BBS9: variants seen among roughly 807,000 people sequenced by gnomAD.
BBS9 encodes the protein protein PTHB1.
BBS9 carries 89 observed loss-of-function variants against 117.7 expected under a neutral mutation model. The observed-to-expected ratio is 0.76, with a 90% CI of 0.64 to 0.90. The LOEUF is 0.90. BBS9 is among the 40% of genes least tolerant of loss of function. The pLI is 0.00. For synonymous variants in BBS9, 379 were observed against 370.9 expected (o/e 1.02, Z -0.25); for missense variants, 982 against 1,042.2 (o/e 0.94, Z 0.80).
At chr7:33,368,705 T>A (rs961154805) in intron 17 of BBS9, among the ~76,000 whole-genome samples, 1 of 151,960 alleles carries the variant, frequency 6.6e-6, no homozygotes, top group Non-Finnish European at 1.5e-5. Context: ...TTTCTACCCA[T>A]GCATTTGCAG....
intron 5 of BBS9, among the ~76,000 whole-genome samples, chr7:33,208,191 C>T (rs922150042): frequency 7.2e-5 from 11 of 152,140 alleles, no homozygotes; most frequent in Middle Eastern, 3.4e-3. Flanking sequence ...TTTGCCATCC[C>T]CTATTCAGTA....
chr7:33,151,832 T>G (rs1418962118), intron 2 of BBS9, among the ~76,000 whole-genome samples: 6 of 148,194 alleles, frequency 4.0e-5, no homozygotes, highest in Non-Finnish European at 5.9e-5. Flanking sequence ...ATTACAGGCA[T>G]GAGCCACTGC....
Position 33,588,903 on chromosome 7 carries a change from G to C in BBS9, c.2522-15962G>C, listed in dbSNP as rs1456357628. 2.0e-5 allele frequency among the ~76,000 whole-genome samples: 3 copies of C among 152,144 alleles called. 1 individual carries two copies. The highest frequency in any genetic ancestry group is 1.5e-5 in the Non-Finnish European group (1 of 68,014). Reference sequence around the variant, plus strand: ...GACAGTGAGGTGGTGTGGTAGGAGAGGAGGCTGGAGGGACCAGATCATGTG... The same window carrying C: ...GACAGTGAGGTGGTGTGGTAGGAGACGAGGCTGGAGGGACCAGATCATGTG... On this transcript the variant is annotated intron_variant, in intron 21 of 22. Coordinates refer to ENST00000242067, the MANE Select transcript of BBS9 (RefSeq NM_198428.3).
chr7:33,617,892 G>A (rs768639783), intron 21 of BBS9, among the ~76,000 whole-genome samples: 2 of 152,106 alleles, frequency 1.3e-5, no homozygotes, highest in African/African-American at 2.4e-5. Context: ...TAAGAATTGT[G>A]GGACATAATC....
chr7:33,429,649 GA>G (rs1834146835), intron 19 of BBS9, among the ~76,000 whole-genome samples: 2 of 151,944 alleles, frequency 1.3e-5, no homozygotes. Flanking sequence ...TTACTTTTCA[GA>G]ATTGAAAAAA....
intron 5 of BBS9, among the ~76,000 whole-genome samples, chr7:33,199,295 A>T (rs956754434): frequency 6.6e-6 from 1 of 151,942 alleles, no homozygotes; most frequent in Middle Eastern, 3.2e-3. Context: ...TTGACAAATG[A>T]TGTAGGTTAG....
At chr7:33,269,887 G>A (rs560144035) in intron 7 of BBS9, among the ~76,000 whole-genome samples, 1 of 152,216 alleles carries the variant, frequency 6.6e-6, no homozygotes, top group East Asian at 1.9e-4. Flanking sequence ...GCTGGGTGTG[G>A]TGGCGTGTGC....
At chr7:33,166,422 A>G (rs1407248393) in intron 4 of BBS9, among the ~76,000 whole-genome samples, 1 of 152,216 alleles carries the variant, frequency 6.6e-6, no homozygotes, top group East Asian at 1.9e-4. Flanking sequence ...AAGTCTGCAG[A>G]AGTTTCTGCT....
At chr7:33,512,246 G>T (rs2129027649) in intron 20 of BBS9, among the ~76,000 whole-genome samples, 1 of 152,236 alleles carries the variant, frequency 6.6e-6, no homozygotes, top group African/African-American at 2.4e-5. Context: ...TTGCTGTTTT[G>T]AAAAATTGAA....
intron 21 of BBS9, among the ~76,000 whole-genome samples, chr7:33,611,817 A>C (rs1864891772): frequency 7.1e-6 from 1 of 141,164 alleles, no homozygotes; most frequent in Non-Finnish European, 1.5e-5. Flanking sequence ...CTTAAACCTT[A>C]TATATAATAT....
intron 5 of BBS9, among the ~76,000 whole-genome samples, chr7:33,225,500 A>C: frequency 6.6e-6 from 1 of 152,062 alleles, no homozygotes. Context: ...CACTCATCTG[A>C]AGTTATTATT....
intron 19 of BBS9, among the ~76,000 whole-genome samples, chr7:33,450,874 T>TG (rs994940430): frequency 2.9e-5 from 4 of 136,250 alleles, no homozygotes; most frequent in Non-Finnish European, 4.6e-5. Context: ...GTTTTTTTTT[T>TG]TTGTTTTTTT....
chr7:33,399,135 T>C (rs1318634286), intron 19 of BBS9, among the ~76,000 whole-genome samples: 1 of 152,270 alleles, frequency 6.6e-6, no homozygotes, highest in African/African-American at 2.4e-5. Context: ...ATTAGCTATA[T>C]GTGGCTATCT....
chr7:33,180,416 A>G (rs1269657624), intron 5 of BBS9, among the ~76,000 whole-genome samples: 6 of 147,280 alleles, frequency 4.1e-5, no homozygotes, highest in Non-Finnish European at 5.9e-5. Flanking sequence ...GCTGGAGTGC[A>G]GCGGTGTGAT....
At chr7:33,552,938 A>G (rs571343510) in intron 21 of BBS9, among the ~76,000 whole-genome samples, 1 of 152,128 alleles carries the variant, frequency 6.6e-6, no homozygotes, top group Non-Finnish European at 1.5e-5. Context: ...TTTCTTCACA[A>G]TTCTCCTTGC....
At chr7:33,525,091 T>C (rs1458534702) in intron 20 of BBS9, among the ~76,000 whole-genome samples, 1 of 152,134 alleles carries the variant, frequency 6.6e-6, no homozygotes, top group African/African-American at 2.4e-5. Context: ...AGTTCTAGTT[T>C]GATTGCACTG....
At chr7:33,505,095 TAA>T (rs1845956806) in intron 19 of BBS9, among the ~76,000 whole-genome samples, 2 of 152,216 alleles carry the variant, frequency 1.3e-5, no homozygotes, top group Non-Finnish European at 2.9e-5. Flanking sequence ...GAGAATGTTT[TAA>T]TTGATTAATT....
chr7:33,399,800 C>G (rs986585681), intron 19 of BBS9, among the ~76,000 whole-genome samples: 4 of 152,018 alleles, frequency 2.6e-5, no homozygotes, highest in Non-Finnish European at 4.4e-5. Flanking sequence ...GAATTAGTTT[C>G]AGAAAAGATA....
At chr7:33,213,171 G>A (rs148916939) in intron 5 of BBS9, among the ~76,000 whole-genome samples, 34 of 152,292 alleles carry the variant, frequency 2.2e-4, no homozygotes, top group African/African-American at 3.6e-4. Context: ...ATTCTACTGC[G>A]GCTAAGCTGG....
Sources: gnomAD v4.1 joint callset for allele counts (sites outside exome capture counted in the v4.1 genomes callset) on GRCh38, gnomAD v4.1.1 for gene constraint, MANE v1.5 for transcripts, NCBI Gene and HGNC (gene_info 2026-07-23, HGNC 2026-07-21) for gene names.